The following LRRC4C variants were observed in gnomAD, a reference collection of about 807,000 sequenced individuals.
The protein encoded by LRRC4C is leucine rich repeat containing 4C.
A neutral mutation model predicts 33.6 loss-of-function variants in LRRC4C; 5 were observed. That is an observed-to-expected ratio of 0.15 (90% CI 0.08 to 0.31). The LOEUF (loss-of-function observed/expected upper bound fraction) is 0.31, where lower values mean the gene tolerates loss of function less well. Ranked by LOEUF, LRRC4C falls within the 10% of genes least tolerant of loss-of-function variation. LRRC4C has a pLI of 1.00. For synonymous variants in LRRC4C, 329 were observed against 302.0 expected (o/e 1.09, Z -0.93); for missense variants, 560 against 796.7 (o/e 0.70, Z 3.58).
intron 1 of LRRC4C, among the ~76,000 whole-genome samples, chr11:41,106,923 G>T (rs1257645220): frequency 6.6e-6 from 1 of 152,006 alleles, no homozygotes; most frequent in African/African-American, 2.4e-5. Context: ...TGGGGCAGGA[G>T]GATCCCTTGA....
intron 1 of LRRC4C, among the ~76,000 whole-genome samples, chr11:41,457,789 G>C (rs186324548): frequency 1.3e-4 from 20 of 152,176 alleles, no homozygotes; most frequent in Admixed American, 1.3e-3. Context: ...TCTGCCTGGA[G>C]TACCAGGTAC....
At chr11:41,237,906 A>G (rs1230784685) in intron 1 of LRRC4C, among the ~76,000 whole-genome samples, 2 of 152,148 alleles carry the variant, frequency 1.3e-5, no homozygotes, top group African/African-American at 2.4e-5. Flanking sequence ...TCACAATTTC[A>G]TTAAAAATAT....
At chr11:40,239,439 TG>T (rs1237794815) in intron 5 of LRRC4C, among the ~76,000 whole-genome samples, 1 of 152,186 alleles carries the variant, frequency 6.6e-6, no homozygotes, top group Non-Finnish European at 1.5e-5. Flanking sequence ...AAATCTCACA[TG>T]GCTTCTTCCT....
intron 4 of LRRC4C, among the ~76,000 whole-genome samples, chr11:40,245,955 T>C (rs1479273453): frequency 6.6e-6 from 1 of 151,754 alleles, no homozygotes; most frequent in Non-Finnish European, 1.5e-5. Context: ...ACATGATACA[T>C]ATTGTTAAAG....
intron 1 of LRRC4C, among the ~76,000 whole-genome samples, chr11:41,211,585 T>C (rs563067845): frequency 2.0e-5 from 3 of 152,096 alleles, no homozygotes; most frequent in African/African-American, 7.2e-5. Flanking sequence ...CAGTGTTTGG[T>C]TTTTTGTCCT....
At chr11:40,766,599 T>C (rs1949480230) in intron 2 of LRRC4C, among the ~76,000 whole-genome samples, 1 of 151,886 alleles carries the variant, frequency 6.6e-6, no homozygotes, top group African/African-American at 2.4e-5. Flanking sequence ...AATAAAAACT[T>C]GAAAAGTTAT....
intron 2 of LRRC4C, among the ~76,000 whole-genome samples, chr11:40,926,421 T>G (rs1957408196): frequency 6.6e-6 from 1 of 152,206 alleles, no homozygotes; most frequent in Non-Finnish European, 1.5e-5. Context: ...AAGAAAAATC[T>G]AAATAATAAT....
chr11:40,557,191 C>A (rs1021110169), intron 3 of LRRC4C, among the ~76,000 whole-genome samples: 10 of 152,002 alleles, frequency 6.6e-5, no homozygotes, highest in African/African-American at 2.4e-4. Context: ...ACATGAGAAT[C>A]AATTGCATGA....
chr11:41,067,875 G>A (rs760041877), intron 1 of LRRC4C, among the ~76,000 whole-genome samples: 18 of 152,124 alleles, frequency 1.2e-4, no homozygotes, highest in African/African-American at 2.2e-4. Context: ...GAGAGACAAC[G>A]TACTAGAATC....
chr11:40,431,314 C>A (rs1950923974), intron 3 of LRRC4C, among the ~76,000 whole-genome samples: 1 of 149,456 alleles, frequency 6.7e-6, no homozygotes, highest in African/African-American at 2.5e-5. Flanking sequence ...GTAATCCCAG[C>A]TACTCAGGAG....
At position 40,534,493 on chromosome 11, in the gene LRRC4C, G is replaced by A. The variant is rs141989342; in HGVS notation, c.-270+113649C>T. ...AGAAGCCTTGTTTGCCTGCTTTCTA[G>A]CTGTGTGGCACTGCCTAGACACTTG... On this transcript the variant is annotated intron_variant, in intron 3 of 6. Transcript: ENST00000528697. Among the ~76,000 whole-genome samples the A allele has an allele frequency of 9.9e-5, 15 of 152,264 alleles. No homozygotes were observed. In the East Asian group the frequency reaches 2.7e-3, roughly 27 times the overall value.
At chr11:40,315,721 T>G (rs999373088) in intron 4 of LRRC4C, among the ~76,000 whole-genome samples, 22 of 152,148 alleles carry the variant, frequency 1.4e-4, no homozygotes, top group African/African-American at 5.1e-4. Flanking sequence ...CTGATTTATT[T>G]GCAATCTTAG....
At chr11:41,418,391 A>G (rs1161914162) in intron 1 of LRRC4C, among the ~76,000 whole-genome samples, 1 of 151,950 alleles carries the variant, frequency 6.6e-6, no homozygotes, top group African/African-American at 2.4e-5. Context: ...GGTTGCAGGG[A>G]AGTAAAATTT....
intron 6 of LRRC4C, among the ~76,000 whole-genome samples, chr11:40,123,625 G>T (rs1855989891): frequency 6.6e-6 from 1 of 151,990 alleles, no homozygotes; most frequent in African/African-American, 2.4e-5. Flanking sequence ...CATGCTCATG[G>T]ATTAGAAGAA....
chr11:41,430,065 A>G (rs1955181922), intron 1 of LRRC4C, among the ~76,000 whole-genome samples: 1 of 152,158 alleles, frequency 6.6e-6, no homozygotes, highest in African/African-American at 2.4e-5. Flanking sequence ...CAACCTCTAG[A>G]GCTAAGCTGC....
At chr11:40,949,026 C>T (rs1233329664) in intron 1 of LRRC4C, among the ~76,000 whole-genome samples, 1 of 151,972 alleles carries the variant, frequency 6.6e-6, no homozygotes, top group Non-Finnish European at 1.5e-5. Flanking sequence ...CTCTCCAGCA[C>T]CTGTTGTTTC....
At chr11:41,063,813 A>G (rs553340479) in intron 1 of LRRC4C, among the ~76,000 whole-genome samples, 1 of 152,346 alleles carries the variant, frequency 6.6e-6, no homozygotes, top group Non-Finnish European at 1.5e-5. Flanking sequence ...TAGCATGACC[A>G]GAGTTGCATT....
At chr11:40,280,890 C>T (rs919184333) in intron 4 of LRRC4C, among the ~76,000 whole-genome samples, 4 of 152,082 alleles carry the variant, frequency 2.6e-5, no homozygotes, top group Non-Finnish European at 5.9e-5. Flanking sequence ...AACAGAAACC[C>T]GGATAGAAGA....
rs929230060 is a variant in LRRC4C, at chr11:41,190,199, C to T, written c.-495-256476G>A. Among the ~76,000 whole-genome samples the T allele has an allele frequency of 6.6e-5, 10 of 152,084 alleles. 3 individuals are homozygous for T. Among genetic ancestry groups the T allele is most frequent in the African/African-American group, 2.4e-5 (1 of 41,482 alleles). On this transcript the variant is annotated intron_variant, in intron 1 of 6. Transcript: ENST00000528697. ...TAGAGAGGTCTACTTATGCTGTTGC[C>T]CTGATCACTTGTCCTTCCACCTGAG...
Sources: gnomAD v4.1 joint callset for allele counts (sites outside exome capture counted in the v4.1 genomes callset) on GRCh38, gnomAD v4.1.1 for gene constraint, MANE v1.5 for transcripts, NCBI Gene and HGNC (gene_info 2026-07-23, HGNC 2026-07-21) for gene names.